Variants in WNT3 observed in about 807,000 individuals in gnomAD.
WNT3 encodes the protein Wnt family member 3, also known as proto-oncogene Wnt-3.
Under a neutral mutation model 34.2 loss-of-function variants are expected in WNT3, and 7 were observed. The ratio of observed to expected loss-of-function variants is 0.20; its 90% confidence interval spans 0.12 to 0.38. The LOEUF (loss-of-function observed/expected upper bound fraction) is 0.38. WNT3 is among the 10% of genes least tolerant of loss of function. The pLI is 1.00. For missense variants in WNT3, 267 were observed against 499.8 expected (o/e 0.53, Z 4.44); for synonymous variants, 212 against 211.5 (o/e 1.00, Z -0.02).
At chr17:46,803,497 C>T (rs1012728733) in intron 1 of WNT3, among the ~76,000 whole-genome samples, 1 of 152,146 alleles carries the variant, frequency 6.6e-6, no homozygotes, top group African/African-American at 2.4e-5. Flanking sequence ...TCACTGCAAT[C>T]CAACCTGGGC....
At chr17:46,801,551 C>G (rs963145035) in intron 1 of WNT3, among the ~76,000 whole-genome samples, 1 of 152,060 alleles carries the variant, frequency 6.6e-6, no homozygotes. Context: ...ACCTGGGAGG[C>G]GGAGGCTGCA....
chr17:46,788,415 G>A (rs1017775118), intron 1 of WNT3, among the ~76,000 whole-genome samples: 11 of 152,266 alleles, frequency 7.2e-5, no homozygotes, highest in African/African-American at 2.4e-4. Flanking sequence ...CCAGGACTTT[G>A]CTGGGTCCCC....
At chr17:46,770,127 A>T (rs887684363) in intron 2 of WNT3, 79 bp from the exon 3 acceptor site, 12 of 1,458,578 alleles carry the variant, frequency 8.2e-6, no homozygotes, top group Non-Finnish European at 9.0e-6. Flanking sequence ...CCAGGCCAGG[A>T]CGTGAGGGGA....
rs573811089 is a variant in WNT3, at chr17:46,789,077, G to A, written c.81-15168C>T. On this transcript the variant is annotated intron_variant, in intron 1 of 4. Transcript: ENST00000225512. Reference sequence around the variant, plus strand: ...GTGTCTTTATTCAATAAACATTCACGCTGGGCCAGGCCTTATGCTGGACGC... The same window carrying A: ...GTGTCTTTATTCAATAAACATTCACACTGGGCCAGGCCTTATGCTGGACGC... 5.8e-4 allele frequency among the ~76,000 whole-genome samples: 88 copies of A among 152,312 alleles called. 1 individual carries two copies. The South Asian group carries it at 0.01, about 18-fold the overall frequency.
At chr17:46,796,732 C>T (rs2084059159) in intron 1 of WNT3, among the ~76,000 whole-genome samples, 1 of 152,226 alleles carries the variant, frequency 6.6e-6, no homozygotes, top group South Asian at 2.1e-4. Flanking sequence ...TGAGCGGTGC[C>T]TGATCAGTCC....
chr17:46,795,400 A>G (rs2084040201), intron 1 of WNT3, among the ~76,000 whole-genome samples: 1 of 152,158 alleles, frequency 6.6e-6, no homozygotes, highest in Non-Finnish European at 1.5e-5. Flanking sequence ...GAGGTGGGGA[A>G]GAACAGAGGA....
intron 4 of WNT3, among the ~76,000 whole-genome samples, chr17:46,766,610 G>C (rs375758945): frequency 6.6e-6 from 1 of 152,076 alleles, no homozygotes; most frequent in Admixed American, 6.5e-5. Context: ...TCCCCACCAG[G>C]ACAGAACTTG....
chr17:46,817,605 C>A (rs1365972330), intron 1 of WNT3, among the ~76,000 whole-genome samples: 1 of 151,948 alleles, frequency 6.6e-6, no homozygotes, highest in African/African-American at 2.4e-5. Context: ...GATGTTTATT[C>A]CTCACCCAGG....
chr17:46,806,484 C>T (rs2084199126), intron 1 of WNT3, among the ~76,000 whole-genome samples: 1 of 152,204 alleles, frequency 6.6e-6, no homozygotes, highest in African/African-American at 2.4e-5. Context: ...GCCGGGGTTA[C>T]AGGCGTGAGC....
rs1484961045 is a variant in WNT3, at chr17:46,779,099, A to ACCC, written c.81-5191_81-5190insGGG. Among the ~76,000 whole-genome samples the ACCC allele has an allele frequency of 1.1e-3, 138 of 128,630 alleles. 7 individuals are homozygous for ACCC. Among genetic ancestry groups the ACCC allele is most frequent in the East Asian group, 8.2e-3 (26 of 3,178 alleles). The allele number at this position is 128,630 out of a possible 152,430, so 84.4% of individuals were successfully genotyped here. ...CACACACACACACACACACACACAC[A>ACCC]CACACCCCAGCCCACTCGGCCTTCC... is the stretch of plus-strand genomic sequence containing the variant. On this transcript the variant is annotated intron_variant, in intron 1 of 4. Transcript: ENST00000225512.
intron 1 of WNT3, among the ~76,000 whole-genome samples, chr17:46,817,161 C>T (rs574017218): frequency 6.6e-6 from 1 of 152,342 alleles, no homozygotes; most frequent in African/African-American, 2.4e-5. Flanking sequence ...GACACAAATG[C>T]TGCCATCCCC....
At chr17:46,802,059 T>C (rs1410068586) in intron 1 of WNT3, among the ~76,000 whole-genome samples, 1 of 152,268 alleles carries the variant, frequency 6.6e-6, no homozygotes, top group Non-Finnish European at 1.5e-5. Context: ...TGCTCGCCTG[T>C]ACGCATGTTT....
intron 1 of WNT3, among the ~76,000 whole-genome samples, chr17:46,811,753 G>A (rs1408923081): frequency 1.3e-5 from 2 of 152,154 alleles, no homozygotes; most frequent in Non-Finnish European, 2.9e-5. Context: ...TCGGGAGTTC[G>A]AGACCAGCCT....
At chr17:46,777,512 C>T (rs552854744) in intron 1 of WNT3, among the ~76,000 whole-genome samples, 4 of 152,268 alleles carry the variant, frequency 2.6e-5, no homozygotes, top group Non-Finnish European at 2.9e-5. Context: ...TCCCAGACAT[C>T]TCCAGGAAGA....
chr17:46,791,229 T>C (rs75528800), intron 1 of WNT3, among the ~76,000 whole-genome samples: 4 of 152,092 alleles, frequency 2.6e-5, no homozygotes, highest in Admixed American at 2.0e-4. Context: ...TTTTTTTTTT[T>C]CTGAGACAGA....
At chr17:46,803,712 C>T (rs1356305117) in intron 1 of WNT3, among the ~76,000 whole-genome samples, 1 of 152,240 alleles carries the variant, frequency 6.6e-6, no homozygotes, top group Non-Finnish European at 1.5e-5. Context: ...GCCCCAGCCA[C>T]ACCCTCAAGC....
intron 1 of WNT3, among the ~76,000 whole-genome samples, chr17:46,816,734 C>T (rs1214803861): frequency 2.0e-5 from 3 of 152,168 alleles, no homozygotes; most frequent in South Asian, 2.1e-4. Context: ...TTCATAGGGC[C>T]GGAGAGACTG....
At chr17:46,770,970 A>G (rs1314409503) in intron 2 of WNT3, among the ~76,000 whole-genome samples, 1 of 152,222 alleles carries the variant, frequency 6.6e-6, no homozygotes, top group Non-Finnish European at 1.5e-5. Context: ...TCGCCACCTG[A>G]CACAGGCTGT....
chr17:46,790,965 T>C (rs1444704858), intron 1 of WNT3, among the ~76,000 whole-genome samples: 1 of 152,228 alleles, frequency 6.6e-6, no homozygotes, highest in African/African-American at 2.4e-5. Flanking sequence ...CAGGCCTGAC[T>C]CCTCGTTTCC....
Sources: gnomAD v4.1 joint callset for allele counts (sites outside exome capture counted in the v4.1 genomes callset) on GRCh38, gnomAD v4.1.1 for gene constraint, MANE v1.5 for transcripts, NCBI Gene and HGNC (gene_info 2026-07-23, HGNC 2026-07-21) for gene names.